SH2D3A: variants seen among roughly 807,000 people sequenced by gnomAD.
SH2D3A encodes the protein SH2 domain-containing protein 3A.
A neutral mutation model predicts 50.6 loss-of-function variants in SH2D3A; 46 were observed. The ratio of observed to expected loss-of-function variants is 0.91; its 90% CI spans 0.72 to 1.16. The LOEUF is 1.16. Among genes scored for constraint, SH2D3A ranks in the 50% most tolerant of loss-of-function variants. The pLI, the probability that SH2D3A is intolerant of heterozygous loss-of-function variation, is 0.00. For missense variants in SH2D3A, 783 were observed against 786.2 expected (o/e 1.00, Z 0.05); for synonymous variants, 377 against 348.4 (o/e 1.08, Z -0.91).
At chr19:6,753,671 TG>T (rs747566432) in intron 8 of SH2D3A, 30 bp from the exon 9 acceptor site, 112 of 1,518,154 alleles carry the variant, frequency 7.4e-5, no homozygotes, top group Admixed American at 1.9e-4. Context: ...GATCAGGGTT[TG>T]GGGCTGTAGA....
intron 8 of SH2D3A, 132 bp downstream of exon 8, chr19:6,753,918 CAT>C (rs1969484190): frequency 8.6e-7 from 1 of 1,161,502 alleles, no homozygotes; most frequent in African/African-American, 1.6e-5. Flanking sequence ...GACCAACCCT[CAT>C]GTGGAGGGCG....
At chr19:6,761,960 A>G (rs1402299986) in intron 2 of SH2D3A, among the ~76,000 whole-genome samples, 2 of 114,744 alleles carry the variant, frequency 1.7e-5, no homozygotes, top group Admixed American at 1.5e-4. Flanking sequence ...AAAACAAAAA[A>G]AAAACAAAAA....
chr19:6,762,841 G>A (rs374656428), intron 2 of SH2D3A, among the ~76,000 whole-genome samples: 11 of 151,482 alleles, frequency 7.3e-5, no homozygotes, highest in East Asian at 3.9e-4. Context: ...GTTAAAGATC[G>A]GGAGACTGAG....
At chr19:6,756,737 C>T (rs1255298202) in intron 4 of SH2D3A, among the ~76,000 whole-genome samples, 1 of 152,080 alleles carries the variant, frequency 6.6e-6, no homozygotes, top group Non-Finnish European at 1.5e-5. Flanking sequence ...AGTTAAGGTC[C>T]AAAGTGCTCA....
At chr19:6,760,601 T>G in intron 3 of SH2D3A, 37 bp downstream of exon 3, 2 of 1,461,604 alleles carry the variant, frequency 1.4e-6, no homozygotes, top group Non-Finnish European at 1.8e-6. Context: ...CCTGCGAGTG[T>G]TGGGTGTTCT....
At chr19:6,763,039 G>T (rs968897604) in intron 2 of SH2D3A, among the ~76,000 whole-genome samples, 5 of 152,026 alleles carry the variant, frequency 3.3e-5, no homozygotes, top group Non-Finnish European at 5.9e-5. Context: ...TCAGATGGAG[G>T]TGGGAGCCTC....
In SH2D3A at chr19:6,755,031, C is replaced by G. The variant is rs759149797; in HGVS notation, c.781G>C (p.Glu261Gln). 7 of 1,614,010 alleles carry G rather than the reference C, an allele frequency of 4.3e-6. No homozygotes were observed. The highest frequency in any genetic ancestry group is 5.9e-6 in the Non-Finnish European group (7 of 1,180,010). The change falls in exon 5 of 10, where the codon GAG becomes CAG. Residue 261 changes from glutamate (E) to glutamine (Q), a missense_variant. Coordinates refer to ENST00000245908, the MANE Select transcript of SH2D3A (RefSeq NM_005490.3). The stretch of plus-strand genomic sequence containing the variant: ...CTATTCTCTTCCTCCTCATCCTCCT[C>G]GGCCTCCCACCATGGGGCCTCTGGC... ...PEPEAPWWEAEEDEEEENRCF... is the reference protein window; with the variant it reads ...PEPEAPWWEAQEDEEEENRCF...
At chr19:6,764,500 C>T (rs1333666523) in intron 1 of SH2D3A, 2 of 152,170 alleles carry the variant, frequency 1.3e-5, no homozygotes, top group African/African-American at 4.8e-5. Flanking sequence ...CCTATTTATT[C>T]AGCACCTTAT....
intron 5 of SH2D3A, 36 bp downstream of exon 5, chr19:6,754,795 T>A: frequency 6.2e-7 from 1 of 1,612,844 alleles, no homozygotes; most frequent in African/African-American, 1.3e-5. Flanking sequence ...GGTCTTGCCC[T>A]GGGCCTGGGG....
chr19:6,754,906 C>T lies in SH2D3A; in HGVS notation c.906G>A (p.Leu302=). 6.2e-7 allele frequency: 1 copy of T among 1,609,122 alleles called. No individual in the cohort carries two copies. Among genetic ancestry groups the T allele is most frequent in the Non-Finnish European group, 8.5e-7 (1 of 1,177,022 alleles). ...CCAGGAACAGGCCACGGAGGGTATG[C>T]AGGACTTGGGGTTCCAGGGGCCGAT... ...PQNRPLEPQV[L]HTLRGLFLEH... Residue 302 remains leucine (L), a synonymous_variant, in exon 5 of 10, where the codon CTG becomes CTA. Transcript: ENST00000245908.
chr19:6,766,592 G>A (rs1248336719), intron 1 of SH2D3A, among the ~76,000 whole-genome samples: 1 of 152,200 alleles, frequency 6.6e-6, no homozygotes, highest in Non-Finnish European at 1.5e-5. Context: ...CGCTTTTGAC[G>A]TTGGACGACC....
Position 6,760,762 on chromosome 19 carries a change from T to C in SH2D3A, c.295A>G (p.Arg99Gly). The C allele has an allele frequency of 6.2e-7, 1 of 1,614,202 alleles. No individual in the cohort carries two copies. Among genetic ancestry groups the C allele is most frequent in the Non-Finnish European group, 8.5e-7 (1 of 1,180,022 alleles). ...CCTGTGGCCTGGGACAGTGGGCGCC[T>C]GCCTGTCATATAACTGTGAACCAGA... ...PALVHSYMTG[R>G]RPLSQATGAV... The change falls in exon 3 of 10, where the codon AGG becomes GGG. Residue 99 changes from arginine to glycine, a missense_variant. Coordinates refer to ENST00000245908, the MANE Select transcript of SH2D3A (RefSeq NM_005490.3).
intron 1 of SH2D3A, among the ~76,000 whole-genome samples, chr19:6,766,950 G>T (rs1177481238): frequency 6.6e-6 from 1 of 152,156 alleles, no homozygotes; most frequent in Non-Finnish European, 1.5e-5. Context: ...AGCTGAGATG[G>T]ACTTGCTTTT....
intron 5 of SH2D3A, 21 bp downstream of exon 5, chr19:6,754,810 G>T (rs1969554514): frequency 6.2e-7 from 1 of 1,611,336 alleles, no homozygotes; most frequent in African/African-American, 1.3e-5. Context: ...CTGGGGAGGA[G>T]CATCCCAGGA....
At chr19:6,767,022 G>A (rs543267918) in intron 1 of SH2D3A, among the ~76,000 whole-genome samples, 21 of 152,282 alleles carry the variant, frequency 1.4e-4, no homozygotes, top group Middle Eastern at 6.8e-3. Flanking sequence ...GAGTAGATAG[G>A]AGGGCAATGA....
In SH2D3A at chr19:6,755,147, G is replaced by A; in HGVS notation, c.665C>T (p.Pro222Leu). ...CGTCGGGGGACGTTCAGAGGCATCAGGCAGTTCGAAGGAGGGTGTCCGGGG... is the reference window on the plus strand; with the variant it reads ...CGTCGGGGGACGTTCAGAGGCATCAAGCAGTTCGAAGGAGGGTGTCCGGGG... ...KPPRTPSFEL[P>L]DASERPPTYC... is the part of the protein sequence containing the mutation. The change falls in exon 5 of 10, where the codon CCT becomes CTT. Residue 222 changes from proline (P) to leucine (L), a missense_variant. Transcript: ENST00000245908. The A allele has an allele frequency of 1.2e-6, 2 of 1,611,956 alleles. No homozygotes were observed. The highest frequency in any genetic ancestry group is 2.2e-5 in the South Asian group (2 of 90,966).
chr19:6,755,404 C>T, intron 4 of SH2D3A, 89 bp from the exon 5 acceptor site: 2 of 893,718 alleles, frequency 2.2e-6, no homozygotes, highest in Non-Finnish European at 3.3e-6. Context: ...TACCACCCAC[C>T]TGATCCATCC....
chr19:6,752,712 CG>C lies in SH2D3A; in HGVS notation c.1611del (p.Gly538AlafsTer119). The part of the protein sequence containing the change: ...PNPELREALT[T>X]GFVRRLLWGS... ...CCCCAGAGCAGCCTCCGCACGAAGC[CG>C]GTGGTCAGGGCCTCCCTCAGCTCCG... On this transcript the variant is annotated frameshift_variant, in exon 10 of 10. Coordinates refer to ENST00000245908, the MANE Select transcript of SH2D3A (RefSeq NM_005490.3). LOFTEE classifies it low-confidence loss of function (END_TRUNC). The C allele has an allele frequency of 2.6e-6, 4 of 1,552,528 alleles. No homozygotes were observed. Among genetic ancestry groups the C allele is most frequent in the South Asian group, 1.2e-5 (1 of 84,190 alleles).
At chr19:6,766,969 A>G (rs564065958) in intron 1 of SH2D3A, among the ~76,000 whole-genome samples, 1 of 152,266 alleles carries the variant, frequency 6.6e-6, no homozygotes, top group African/African-American at 2.4e-5. Context: ...TTTACATTTT[A>G]CATCATCAAG....
Sources: gnomAD v4.1 joint callset for allele counts (sites outside exome capture counted in the v4.1 genomes callset) on GRCh38, gnomAD v4.1.1 for gene constraint, MANE v1.5 for transcripts, NCBI Gene and HGNC (gene_info 2026-07-23, HGNC 2026-07-21) for gene names.